PRR12: variants seen among roughly 807,000 people sequenced by gnomAD.
The protein encoded by PRR12 is proline rich 12, also known as proline-rich protein 12.
In PRR12, 12 loss-of-function variants were observed where a neutral mutation model predicts 138.0. The ratio of observed to expected loss-of-function variants is 0.09; its 90% CI spans 0.06 to 0.14. The LOEUF is 0.14. PRR12 is among the 10% of genes least tolerant of loss of function. The pLI is 1.00. For synonymous variants in PRR12, 1,567 were observed against 1,291.7 expected, an observed-to-expected ratio of 1.21 and a Z score of -4.57; for missense variants, 2,692 against 2,861.3, an observed-to-expected ratio of 0.94 and a Z score of 1.35.
chr19:49,605,570 A>T (rs991894166), intron 6 of PRR12, among the ~76,000 whole-genome samples: 2 of 152,312 alleles, frequency 1.3e-5, no homozygotes, highest in East Asian at 1.9e-4. Flanking sequence ...CCAGGAACCC[A>T]TATTCTTATC....
intron 6 of PRR12, among the ~76,000 whole-genome samples, chr19:49,612,450 G>A (rs1321120629): frequency 1.3e-5 from 2 of 152,068 alleles, no homozygotes; most frequent in African/African-American, 4.8e-5. Context: ...TGAAGTCAGG[G>A]TGAGGCCTGA....
chr19:49,605,656 TGGG>T (rs776046124), intron 6 of PRR12, among the ~76,000 whole-genome samples: 2 of 152,236 alleles, frequency 1.3e-5, no homozygotes, highest in Non-Finnish European at 2.9e-5. Context: ...AACAGGGCCC[TGGG>T]GCAGGGACTT....
Position 49,597,585 on chromosome 19 carries a change from C to T in PRR12, c.3250C>T (p.Arg1084Cys), listed in dbSNP as rs1473529477. ...ATCCTCCTTCCACCTGCTGCGGCGC[C>T]GCGACCCACCCTTCCAGACCCCCAA... ...KTSSFHLLRR[R>C]DPPFQTPKKL... is the part of the protein sequence containing the mutation. Residue 1084 changes from arginine (R) to cysteine (C), a missense_variant, in exon 4 of 14, where the codon CGC becomes TGC. Transcript: ENST00000418929. The surrounding 1 kb of genome is among the most constrained non-coding windows in gnomAD (Gnocchi z 6.3). The T allele has an allele frequency of 4.4e-6, 7 of 1,606,962 alleles. No individual in the cohort carries two copies. Among genetic ancestry groups the T allele is most frequent in the Non-Finnish European group, 5.9e-6 (7 of 1,177,782 alleles).
intron 11 of PRR12, 37 bp from the exon 12 acceptor site, chr19:49,624,807 C>G: frequency 6.2e-7 from 1 of 1,600,202 alleles, no homozygotes; most frequent in Non-Finnish European, 8.5e-7. Flanking sequence ...TTTATGGATC[C>G]AGGGCAGCAT....
chr19:49,601,852 C>G lies in PRR12; in HGVS notation c.4707C>G (p.Gly1569=), dbSNP rs772254918. The change falls in exon 6 of 14, where the codon GGC becomes GGG. Residue 1569 remains glycine (G), a synonymous_variant. Transcript: ENST00000418929. The part of the protein sequence containing the change: ...GETDEEAGES[G]GEGIFRERDE... ...CGGACGAGGAGGCCGGCGAGAGTGG[C>G]GGAGAGGGCATCTTCCGGGAACGGG... 2 of 1,612,608 alleles carry G rather than the reference C, an allele frequency of 1.2e-6. No homozygotes were observed. Among genetic ancestry groups the G allele is most frequent in the East Asian group, 4.5e-5 (2 of 44,892 alleles).
chr19:49,611,996 G>T (rs987020849), intron 6 of PRR12, among the ~76,000 whole-genome samples: 6 of 150,946 alleles, frequency 4.0e-5, no homozygotes, highest in Non-Finnish European at 7.4e-5. Flanking sequence ...ACTTTGGGAG[G>T]CCCAGGCGGG....
At chr19:49,619,571 C>G (rs1401258547) in intron 9 of PRR12, among the ~76,000 whole-genome samples, 5 of 86,882 alleles carry the variant, frequency 5.8e-5, no homozygotes, top group Admixed American at 1.8e-4. Flanking sequence ...GACGGAGTTT[C>G]GCTCTTGTTG....
intron 6 of PRR12, among the ~76,000 whole-genome samples, chr19:49,604,161 T>C (rs1323130812): frequency 6.6e-6 from 1 of 152,052 alleles, no homozygotes; most frequent in Non-Finnish European, 1.5e-5. Context: ...CAAACTCAAA[T>C]GTATTTTTTC....
rs751966064 is a variant in PRR12 at position 49,596,048 on chromosome 19, G to T, written c.1713G>T (p.Pro571=). The T allele has an allele frequency of 1.6e-5, 26 of 1,601,362 alleles. No homozygotes were observed. The East Asian group carries it at 5.1e-4, about 32-fold the overall frequency. Residue 571 remains proline, a synonymous_variant, in exon 4 of 14, where the codon CCG becomes CCT. Transcript: ENST00000418929. This position sits in a 1 kb window ranked among gnomAD's most constrained non-coding sequence, Gnocchi z 5.6. ...ACATCATTCGTCCGCTCCAGTCACC[G>T]CCTGCCACCGGCCGTCCACCTGGAG... ...PSHIIRPLQS[P]PATGRPPGVG...
In PRR12 at chr19:49,596,259, C is replaced by T. The variant is rs376488952; in HGVS notation, c.1924C>T (p.Leu642Phe). 3.1e-6 allele frequency: 5 copies of T among 1,611,530 alleles called. No individual in the cohort carries two copies. Among genetic ancestry groups the T allele is most frequent in the African/African-American group, 1.3e-5 (1 of 75,052 alleles). The part of the protein sequence containing the change: ...PAERTEDEEF[L>F]IQHLLQAPSP... ...GGAGCGCACAGAGGATGAGGAGTTC[C>T]TTATCCAGCACCTCTTGCAGGCGCC... The change falls in exon 4 of 14, where the codon CTT becomes TTT. Residue 642 changes from leucine to phenylalanine, a missense_variant. Around this residue, in one of 11 missense-constraint regions of PRR12, gnomAD observed 840 missense variants for 689.8 expected, o/e 1.22. Transcript: ENST00000418929. The surrounding 1 kb of genome is among the most constrained non-coding windows in gnomAD (Gnocchi z 5.6).
intron 9 of PRR12, among the ~76,000 whole-genome samples, chr19:49,618,550 G>A (rs1467007794): frequency 1.3e-5 from 2 of 152,030 alleles, no homozygotes; most frequent in African/African-American, 4.8e-5. Context: ...ACCATGCCCG[G>A]CTAATTTGTG....
chr19:49,598,348 A>T (rs916191756), intron 4 of PRR12, among the ~76,000 whole-genome samples: 3 of 152,078 alleles, frequency 2.0e-5, no homozygotes, highest in Non-Finnish European at 4.4e-5. Context: ...TGCTGGGATT[A>T]CAGACCTGAG....
At position 49,599,563 on chromosome 19, in the gene PRR12, C is replaced by T. The variant is rs370251070; in HGVS notation, c.3970C>T (p.Pro1324Ser). The change falls in exon 5 of 14, where the codon CCC becomes TCC. Residue 1324 changes from proline to serine, a missense_variant. Physicochemically the swap from Pro to Ser is moderately conservative, Grantham distance 74. Coordinates refer to ENST00000418929, the MANE Select transcript of PRR12 (RefSeq NM_020719.3). This position sits in a 1 kb window ranked among gnomAD's most constrained non-coding sequence, Gnocchi z 5.0. ...CTCTGTGCCAGCCCGAGGCCTGCAG[C>T]CCCAGCCCCCTGCCACCCCTGCTGT... Reference protein sequence around the residue: ...PPSVPARGLQPQPPATPAVPH... With the variant: ...PPSVPARGLQSQPPATPAVPH... 1.8e-5 allele frequency: 28 copies of T among 1,594,180 alleles called. No individual in the cohort carries two copies. Among genetic ancestry groups the T allele is most frequent in the Non-Finnish European group, 2.3e-5 (27 of 1,170,714 alleles).
chr19:49,608,858 A>T (rs1190758068), intron 6 of PRR12, among the ~76,000 whole-genome samples: 3 of 152,202 alleles, frequency 2.0e-5, no homozygotes, highest in Non-Finnish European at 2.9e-5. Flanking sequence ...AAAAACAAAA[A>T]AAACAAATCA....
In PRR12 at chr19:49,601,647, T is replaced by C. The variant is rs752644991; in HGVS notation, c.4502T>C (p.Leu1501Pro). The C allele has an allele frequency of 1.5e-4, 225 of 1,535,778 alleles. 1 individual carries two copies. In the African/African-American group the frequency reaches 2.2e-3, roughly 15 times the overall value. The change falls in exon 6 of 14, where the codon CTG becomes CCG. Residue 1501 changes from leucine to proline, a missense_variant. Physicochemically the swap from Leu to Pro is moderately conservative, Grantham distance 98. This residue lies in a region of PRR12 where 231 missense variants were observed against 200.8 expected (regional missense o/e 1.15). Coordinates refer to ENST00000418929, the MANE Select transcript of PRR12 (RefSeq NM_020719.3). ...CCCAGCTCACCACCGCCACCGCCGC[T>C]GCCGCCGCCACCTCCACCAGCCATG... The part of the protein sequence containing the change: ...PTPSSPPPPP[L>P]PPPPPPAMPS...
At position 49,594,857 on chromosome 19, in the gene PRR12, A is replaced by G; in HGVS notation, c.522A>G (p.Pro174=). ...CGTCCCTCAGCCTCCAGGACCCCCCATTCAGCCCTCCAGCTAACGGGCTCC... is the reference window on the plus strand; with the variant it reads ...CGTCCCTCAGCCTCCAGGACCCCCCGTTCAGCCCTCCAGCTAACGGGCTCC... ...VPSSLSLQDP[P]FSPPANGLLS... The change falls in exon 4 of 14, where the codon CCA becomes CCG. Residue 174 remains proline, a synonymous_variant. Coordinates refer to ENST00000418929, the MANE Select transcript of PRR12 (RefSeq NM_020719.3). This position sits in a 1 kb window ranked among gnomAD's most constrained non-coding sequence, Gnocchi z 5.6. The G allele has an allele frequency of 2.5e-6, 4 of 1,610,992 alleles. No homozygotes were observed. The highest frequency in any genetic ancestry group is 2.5e-6 in the Non-Finnish European group (3 of 1,178,960).
chr19:49,606,645 C>CTTTTTT (rs1230626073), intron 6 of PRR12, among the ~76,000 whole-genome samples: 2 of 128,146 alleles, frequency 1.6e-5, no homozygotes, highest in Non-Finnish European at 1.7e-5. Context: ...TACCATCTCT[C>CTTTTTT]TTTTTTTTTT....
chr19:49,595,363 C>T lies in PRR12; in HGVS notation c.1028C>T (p.Ala343Val), dbSNP rs1250616127. 1 of 1,540,318 alleles carries T rather than the reference C, an allele frequency of 6.5e-7. No individual in the cohort carries two copies. Among genetic ancestry groups the T allele is most frequent in the South Asian group, 1.2e-5 (1 of 83,028 alleles). ...PLGGGEPSPG[A>V]GEPSKAGPSG... ...GGTGGTGGGGAGCCCTCCCCGGGTG[C>T]TGGGGAGCCTAGCAAGGCTGGTCCC... Residue 343 changes from alanine to valine, a missense_variant, in exon 4 of 14, where the codon GCT (alanine) becomes GTT (valine). Transcript: ENST00000418929.
rs769081596 is a variant in PRR12, at chr19:49,593,349, A to C, written c.109A>C (p.Thr37Pro). The change falls in exon 2 of 14, where the codon ACC becomes CCC. Residue 37 changes from threonine (T) to proline (P), a missense_variant. Around this residue, in one of 11 missense-constraint regions of PRR12, gnomAD observed 211 missense variants for 266.3 expected, o/e 0.79. Transcript: ENST00000418929. ...CAGCTTGGTTTATGGCAGCTCCAGGACCTCGCACCCCGAGACGGACATCTT... is the reference window on the plus strand; with the variant it reads ...CAGCTTGGTTTATGGCAGCTCCAGGCCCTCGCACCCCGAGACGGACATCTT... ...KASLVYGSSR[T>P]SHPETDILHR... 1 of 1,593,294 alleles carries C rather than the reference A, an allele frequency of 6.3e-7. No individual in the cohort carries two copies. The highest frequency in any genetic ancestry group is 8.5e-7 in the Non-Finnish European group (1 of 1,170,292).
Sources: gnomAD v4.1 joint callset for allele counts (sites outside exome capture counted in the v4.1 genomes callset) on GRCh38, gnomAD v4.1.1 for gene constraint, gnomAD v4.1.1 regional missense constraint, Gnocchi (gnomAD v3.1) non-coding constraint, MANE v1.5 for transcripts, NCBI Gene and HGNC (gene_info 2026-07-23, HGNC 2026-07-21) for gene names.